Variants in WDR70 observed in about 807,000 individuals in gnomAD.
WDR70 encodes WD repeat domain 70, also known as WD repeat-containing protein 70.
Under a neutral mutation model 88.6 loss-of-function variants are expected in WDR70, and 53 were observed. That is an observed-to-expected ratio of 0.60 (90% CI 0.48 to 0.75). The LOEUF is 0.75. Ranked by LOEUF, WDR70 falls within the 30% of genes least tolerant of loss-of-function variation. The pLI, the probability that WDR70 is intolerant of heterozygous loss-of-function variation, is 0.00. For synonymous variants in WDR70, 280 were observed against 270.0 expected (o/e 1.04, Z -0.36); for missense variants, 610 against 823.2 (o/e 0.74, Z 3.17).
At chr5:37,637,784 C>T (rs1745012411) in intron 10 of WDR70, among the ~76,000 whole-genome samples, 1 of 152,198 alleles carries the variant, frequency 6.6e-6, no homozygotes, top group Admixed American at 6.5e-5. Flanking sequence ...CCAAGAATGG[C>T]AAATGCTCAC....
At chr5:37,444,336 CTT>C (rs70978817) in intron 7 of WDR70, among the ~76,000 whole-genome samples, 2 of 94,204 alleles carry the variant, frequency 2.1e-5, no homozygotes, top group South Asian at 4.6e-4. Flanking sequence ...CAGCCTTTCT[CTT>C]TTTTTTTTTT....
At chr5:37,557,957 A>ACTCCTTTGAAAACTC in intron 9 of WDR70, among the ~76,000 whole-genome samples, 1 of 139,252 alleles carries the variant, frequency 7.2e-6, no homozygotes, top group Admixed American at 7.1e-5. Context: ...TCAAAAGAGT[A>ACTCCTTTGAAAACTC]TTATGTATAT....
intron 9 of WDR70, among the ~76,000 whole-genome samples, chr5:37,526,518 C>A (rs1194490558): frequency 6.6e-6 from 1 of 152,172 alleles, no homozygotes; most frequent in Admixed American, 6.5e-5. Context: ...AAAGCCACAG[C>A]CAATATCATA....
intron 9 of WDR70, among the ~76,000 whole-genome samples, chr5:37,585,065 A>C (rs1023161916): frequency 4.0e-5 from 6 of 149,580 alleles, no homozygotes; most frequent in African/African-American, 1.5e-4. Flanking sequence ...ATATCGGCTC[A>C]CTGCAACCTC....
At chr5:37,512,151 A>C (rs1740739624) in intron 8 of WDR70, among the ~76,000 whole-genome samples, 1 of 151,226 alleles carries the variant, frequency 6.6e-6, no homozygotes, top group South Asian at 2.1e-4. Context: ...TGGCTATATA[A>C]CTCCATTCTC....
intron 8 of WDR70, among the ~76,000 whole-genome samples, chr5:37,508,025 G>C (rs2112235922): frequency 6.6e-6 from 1 of 152,166 alleles, no homozygotes; most frequent in South Asian, 2.1e-4. Flanking sequence ...TGTGAATGTG[G>C]TGGGGTCAGG....
intron 14 of WDR70, chr5:37,721,647 A>G (rs954112874): frequency 6.0e-6 from 1 of 165,566 alleles, no homozygotes; most frequent in Non-Finnish European, 1.3e-5. Context: ...TGGCAAGATT[A>G]TTCTCTGTCC....
chr5:37,553,200 C>T (rs1047787630), intron 9 of WDR70, among the ~76,000 whole-genome samples: 4 of 152,056 alleles, frequency 2.6e-5, no homozygotes, highest in South Asian at 2.1e-4. Context: ...TGTTGTGATC[C>T]GGGAGCTTTA....
At chr5:37,701,571 C>T (rs182590794) in intron 12 of WDR70, among the ~76,000 whole-genome samples, 1,595 of 152,108 alleles carry the variant, frequency 0.01, 16 homozygotes, top group Non-Finnish European at 0.018. Flanking sequence ...GGGCAGATCA[C>T]GAGGTCAGGA....
intron 5 of WDR70, among the ~76,000 whole-genome samples, chr5:37,429,210 TTTTAGAG>T (rs1389918463): frequency 1.3e-5 from 2 of 152,200 alleles, no homozygotes; most frequent in Non-Finnish European, 2.9e-5. Flanking sequence ...TTTTATTGAG[TTTTAGAG>T]TTTAGAGTTT....
At chr5:37,387,951 T>A (rs896186699) in intron 3 of WDR70, among the ~76,000 whole-genome samples, 2 of 152,088 alleles carry the variant, frequency 1.3e-5, no homozygotes, top group Non-Finnish European at 1.5e-5. Flanking sequence ...TATATGGGGG[T>A]ATGAGCTGTC....
intron 10 of WDR70, among the ~76,000 whole-genome samples, chr5:37,671,487 G>A (rs972010161): frequency 9.2e-5 from 14 of 152,132 alleles, no homozygotes; most frequent in African/African-American, 3.4e-4. Context: ...AAGTCTAGCA[G>A]CTTGGCCAGG....
At chr5:37,631,685 C>T (rs78746508) in intron 10 of WDR70, among the ~76,000 whole-genome samples, 1 of 152,080 alleles carries the variant, frequency 6.6e-6, no homozygotes, top group African/African-American at 2.4e-5. Flanking sequence ...GTACTTTTAA[C>T]CAACATCTCT....
At chr5:37,623,372 A>G (rs141666115) in intron 10 of WDR70, among the ~76,000 whole-genome samples, 2 of 152,142 alleles carry the variant, frequency 1.3e-5, no homozygotes, top group African/African-American at 4.8e-5. Flanking sequence ...CCTCAAACAT[A>G]TAAAATCCAT....
chr5:37,622,846 C>G (rs1744551423), intron 10 of WDR70, among the ~76,000 whole-genome samples: 2 of 151,970 alleles, frequency 1.3e-5, no homozygotes, highest in Admixed American at 1.3e-4. Context: ...ACGTATGTAA[C>G]TAACCTGCAC....
Position 37,712,801 on chromosome 5 carries a change from G to T in WDR70, c.1417-8314G>T, listed in dbSNP as rs546450898. 3.9e-5 allele frequency among the ~76,000 whole-genome samples: 6 copies of T among 152,072 alleles called. No homozygotes were observed. In the South Asian group the frequency reaches 1.2e-3, roughly 32 times the overall value. On this transcript the variant is annotated intron_variant, in intron 13 of 17. Transcript: ENST00000265107. ...ACTGCAACCTCCACCTCCTGGGTTC[G>T]AGTGATTCTTGTGCCTCAGCCTCTC...
intron 17 of WDR70, among the ~76,000 whole-genome samples, chr5:37,749,245 G>A (rs1748727267): frequency 6.6e-6 from 1 of 152,108 alleles, no homozygotes; most frequent in East Asian, 1.9e-4. Flanking sequence ...AAGAAGTATA[G>A]TATTCCATGT....
At chr5:37,705,872 T>C (rs1172463105) in intron 13 of WDR70, among the ~76,000 whole-genome samples, 1 of 152,144 alleles carries the variant, frequency 6.6e-6, no homozygotes, top group Non-Finnish European at 1.5e-5. Context: ...GCATTATGTC[T>C]ATCCTAGATG....
intron 17 of WDR70, among the ~76,000 whole-genome samples, chr5:37,740,307 C>G (rs1249084296): frequency 6.6e-6 from 1 of 152,132 alleles, no homozygotes; most frequent in Non-Finnish European, 1.5e-5. Context: ...ATGTGGATTT[C>G]TAAACGTTTT....
Sources: gnomAD v4.1 joint callset for allele counts (sites outside exome capture counted in the v4.1 genomes callset) on GRCh38, gnomAD v4.1.1 for gene constraint, MANE v1.5 for transcripts, NCBI Gene and HGNC (gene_info 2026-07-23, HGNC 2026-07-21) for gene names.